Variants in GRIA2 observed in about 807,000 individuals in gnomAD.
GRIA2 encodes the protein glutamate receptor 2.
A neutral mutation model predicts 97.3 loss-of-function variants in GRIA2; 14 were observed. The ratio of observed to expected loss-of-function variants is 0.14; its 90% confidence interval spans 0.10 to 0.23. The LOEUF is 0.23. Among genes scored for constraint, GRIA2 ranks in the 10% least tolerant of loss-of-function variants. The pLI is 1.00. For synonymous variants in GRIA2, 412 were observed against 387.8 expected, an observed-to-expected ratio of 1.06 and a Z score of -0.73; for missense variants, 558 against 1,069.8, an observed-to-expected ratio of 0.52 and a Z score of 6.67.
chr4:157,315,527 GTTTGTTTTGTTTTGTTTTGT>G (rs140239463), intron 4 of GRIA2, among the ~76,000 whole-genome samples: 1 of 149,996 alleles, frequency 6.7e-6, no homozygotes, highest in Admixed American at 6.7e-5. Context: ...TTGTTTGTTT[GTTTGTTTTGTTTTGTTTTGT>G]TTTGTTTTGT....
intron 2 of GRIA2, among the ~76,000 whole-genome samples, chr4:157,284,816 AT>A (rs1226257167): frequency 1.3e-5 from 2 of 151,722 alleles, no homozygotes; most frequent in Non-Finnish European, 3.0e-5. Flanking sequence ...ACTGCCGAAT[AT>A]TATTTCATTA....
intron 2 of GRIA2, among the ~76,000 whole-genome samples, chr4:157,250,869 G>A (rs1382150837): frequency 3.9e-5 from 6 of 152,044 alleles, no homozygotes; most frequent in Admixed American, 3.9e-4. Context: ...GGACATTTAT[G>A]GTATTAGCAC....
Position 157,303,785 on chromosome 4 carries a change from G to A in GRIA2, c.463G>A (p.Asp155Asn), listed in dbSNP as rs1733721322. 1.2e-6 allele frequency: 2 copies of A among 1,612,916 alleles called. No individual in the cohort carries two copies. The highest frequency in any genetic ancestry group is 1.3e-5 in the African/African-American group (1 of 74,890). Residue 155 changes from aspartate (D) to asparagine (N), a missense_variant, in exon 3 of 16, where the codon GAC becomes AAC. Coordinates refer to ENST00000264426, the MANE Select transcript of GRIA2 (RefSeq NM_001083619.3). ...CAAGTTTGCATACCTCTATGACAGT[G>A]ACAGAGGTAAGTGACAGTATCTCAT... The part of the protein sequence containing the change: ...WDKFAYLYDS[D>N]RGLSTLQAVL...
At chr4:157,277,058 A>C (rs1436304413) in intron 2 of GRIA2, among the ~76,000 whole-genome samples, 2 of 151,904 alleles carry the variant, frequency 1.3e-5, no homozygotes, top group Non-Finnish European at 2.9e-5. Flanking sequence ...ACATTACCCT[A>C]TTACTAAAAG....
At chr4:157,250,603 A>G (rs1477058510) in intron 2 of GRIA2, among the ~76,000 whole-genome samples, 1 of 152,148 alleles carries the variant, frequency 6.6e-6, no homozygotes. Context: ...CACGAGATAC[A>G]GATCTATATA....
intron 2 of GRIA2, among the ~76,000 whole-genome samples, chr4:157,274,193 C>T (rs901708524): frequency 5.3e-5 from 8 of 151,668 alleles, no homozygotes; most frequent in Admixed American, 1.3e-4. Context: ...AATTTTTTGC[C>T]GGTAGACCTA....
chr4:157,239,632 G>A (rs1031984915), intron 2 of GRIA2, among the ~76,000 whole-genome samples: 19 of 151,742 alleles, frequency 1.3e-4, no homozygotes, highest in Admixed American at 9.2e-4. Flanking sequence ...GATGACATTC[G>A]TGAGTCAAGA....
At chr4:157,300,094 G>A (rs1213170360) in intron 2 of GRIA2, among the ~76,000 whole-genome samples, 1 of 151,988 alleles carries the variant, frequency 6.6e-6, no homozygotes, top group Non-Finnish European at 1.5e-5. Flanking sequence ...GATAGTCTCG[G>A]TGGTAGTAAA....
intron 1 of GRIA2, 157 bp downstream of exon 1, chr4:157,221,287 G>A: frequency 1.6e-6 from 1 of 609,374 alleles, no homozygotes; most frequent in Non-Finnish European, 2.9e-6. Flanking sequence ...TTCTTAGGAT[G>A]AAGCAAAAGG....
At chr4:157,248,894 G>C (rs962849967) in intron 2 of GRIA2, among the ~76,000 whole-genome samples, 1 of 151,118 alleles carries the variant, frequency 6.6e-6, no homozygotes. Context: ...CTGGAGTGCA[G>C]TGGGATGATC....
Position 157,364,810 on chromosome 4 carries a change from A to G in GRIA2, c.*1379A>G, listed in dbSNP as rs1477317417. ...TTCATCCCATTGACATCAATTAAAA[A>G]TAACCCTAATATATTATTTTTATAT... is the stretch of plus-strand genomic sequence containing the variant. On this transcript the variant is annotated 3_prime_UTR_variant, in exon 16 of 16. Coordinates refer to ENST00000264426, the MANE Select transcript of GRIA2 (RefSeq NM_001083619.3). 1 of 152,110 alleles carries G rather than the reference A, an allele frequency of 6.6e-6. No homozygotes were observed. Among genetic ancestry groups the G allele is most frequent in the Non-Finnish European group, 1.5e-5 (1 of 67,776 alleles). The allele number at this position is 152,110 out of a possible 1,614,324, so 9.4% of individuals were successfully genotyped here.
intron 2 of GRIA2, among the ~76,000 whole-genome samples, chr4:157,284,610 A>G (rs1732754613): frequency 6.6e-6 from 1 of 151,644 alleles, no homozygotes; most frequent in African/African-American, 2.4e-5. Flanking sequence ...CTCATATCTC[A>G]TATTTGATGT....
rs931254754 is a variant in GRIA2, at chr4:157,336,416, G to T, written c.1513G>T (p.Val505Leu). The T allele has an allele frequency of 3.1e-6, 5 of 1,596,840 alleles. No individual in the cohort carries two copies. Among genetic ancestry groups the T allele is most frequent in the Non-Finnish European group, 4.3e-6 (5 of 1,171,726 alleles). ...AATTGCTCCATTAACTATTACCCTT[G>T]TGAGAGAAGAGGTGATTGACTTCTC... is the stretch of plus-strand genomic sequence containing the variant. ...IAIAPLTITLVREEVIDFSKP... is the reference protein window; with the variant it reads ...IAIAPLTITLLREEVIDFSKP... Residue 505 changes from valine to leucine, a missense_variant, in exon 11 of 16, where the codon GTG becomes TTG. This residue lies in a region of GRIA2 where 41 missense variants were observed against 102.2 expected (regional missense o/e 0.40). Transcript: ENST00000264426.
chr4:157,237,819 T>G (rs1401845649), intron 2 of GRIA2, among the ~76,000 whole-genome samples: 1 of 152,052 alleles, frequency 6.6e-6, no homozygotes, highest in African/African-American at 2.4e-5. Context: ...GAGGGATAAA[T>G]AAAGGATGTT....
At chr4:157,324,001 G>C (rs1271854346) in intron 6 of GRIA2, among the ~76,000 whole-genome samples, 1 of 152,004 alleles carries the variant, frequency 6.6e-6, no homozygotes, top group Admixed American at 6.6e-5. Flanking sequence ...TTTGACCCTG[G>C]GTCCAGGATT....
At chr4:157,262,712 T>A (rs914301396) in intron 2 of GRIA2, among the ~76,000 whole-genome samples, 1 of 152,080 alleles carries the variant, frequency 6.6e-6, no homozygotes, top group African/African-American at 2.4e-5. Flanking sequence ...TATCTTTCAT[T>A]AACAGAGACA....
At chr4:157,222,877 G>A (rs151145576) in intron 2 of GRIA2, among the ~76,000 whole-genome samples, 67 of 152,332 alleles carry the variant, frequency 4.4e-4, no homozygotes, top group African/African-American at 1.4e-3. Context: ...TCGCTCCCCC[G>A]CGCAGGCGTG....
intron 6 of GRIA2, among the ~76,000 whole-genome samples, chr4:157,331,803 T>C (rs1245438296): frequency 6.6e-6 from 1 of 151,564 alleles, no homozygotes; most frequent in East Asian, 1.9e-4. Flanking sequence ...AAGACAAAGA[T>C]GAAATTATCA....
chr4:157,267,033 G>GT (rs1440301720), intron 2 of GRIA2, among the ~76,000 whole-genome samples: 3 of 151,850 alleles, frequency 2.0e-5, no homozygotes, highest in South Asian at 4.1e-4. Context: ...AGCTGTGATT[G>GT]TGTCACTGCA....
Sources: gnomAD v4.1 joint callset for allele counts (sites outside exome capture counted in the v4.1 genomes callset) on GRCh38, gnomAD v4.1.1 for gene constraint, gnomAD v4.1.1 regional missense constraint, MANE v1.5 for transcripts, NCBI Gene and HGNC (gene_info 2026-07-23, HGNC 2026-07-21) for gene names.